The following ACCSL variants were observed in gnomAD, a reference collection of about 807,000 sequenced individuals.
ACCSL encodes probable inactive 1-aminocyclopropane-1-carboxylate synthase-like protein 2.
Under a neutral mutation model 61.7 loss-of-function variants are expected in ACCSL, and 55 were observed. The observed-to-expected ratio is 0.89, with a 90% CI of 0.72 to 1.12. ACCSL has a LOEUF of 1.12. Among genes scored for constraint, ACCSL ranks in the 50% most tolerant of loss-of-function variants. The pLI is 0.00. For synonymous variants in ACCSL, 258 were observed against 264.3 expected (o/e 0.98, Z 0.23); for missense variants, 632 against 698.0 (o/e 0.91, Z 1.07).
At chr11:43,927,523 T>C in the ACCSL span, among the ~76,000 whole-genome samples, 3 of 152,220 alleles carry the variant, frequency 2.0e-5, no homozygotes, top group African/African-American at 7.2e-5. Context: ...TAGGCACTAT[T>C]TTTATCTCCA....
chr11:44,059,938 C>T lies in ACCSL; in HGVS notation c.*18C>T, dbSNP rs368534391. ...GGGAGTAGGCCGTCTGCCTCCCAAC[C>T]AGCAGTTCCAGCCCATCACTTGCTC... is the stretch of plus-strand genomic sequence containing the variant. On this transcript the variant is annotated 3_prime_UTR_variant, in exon 14 of 14. Coordinates refer to ENST00000378832, the MANE Select transcript of ACCSL (RefSeq NM_001031854.2). 5 of 1,610,304 alleles carry T rather than the reference C, an allele frequency of 3.1e-6. No homozygotes were observed. In the African/African-American group the frequency reaches 5.3e-5, roughly 17 times the overall value.
the ACCSL span, among the ~76,000 whole-genome samples, chr11:44,011,992 C>T: frequency 6.6e-6 from 1 of 152,162 alleles, no homozygotes. Flanking sequence ...GTGAGGGAAT[C>T]ATTACTCATG....
chr11:44,002,394 T>C, the ACCSL span, among the ~76,000 whole-genome samples: 631 of 152,310 alleles, frequency 4.1e-3, no homozygotes, highest in African/African-American at 0.015. Context: ...AAGAAGTTTC[T>C]GGAAGAAGCC....
At chr11:43,954,721 A>G in the ACCSL span, among the ~76,000 whole-genome samples, 4 of 151,826 alleles carry the variant, frequency 2.6e-5, no homozygotes, top group Non-Finnish European at 5.9e-5. Context: ...AGTAGCTAGG[A>G]TTACAGGCAT....
the ACCSL span, among the ~76,000 whole-genome samples, chr11:43,967,375 CACCATGTTGGCAGGTCTGGTCTCAA>C: frequency 6.6e-6 from 1 of 151,716 alleles, no homozygotes; most frequent in East Asian, 2.0e-4. Flanking sequence ...GACGGGGTTT[CACCATGTTGGCAGGTCTGGTCTCAA>C]ACTCCCGACC....
At chr11:43,964,560 A>C in the ACCSL span, among the ~76,000 whole-genome samples, 1 of 152,184 alleles carries the variant, frequency 6.6e-6, no homozygotes, top group Admixed American at 6.5e-5. Context: ...ACACCTCAAA[A>C]TCATTCAAAA....
At chr11:43,950,492 C>T in the ACCSL span, among the ~76,000 whole-genome samples, 2 of 152,206 alleles carry the variant, frequency 1.3e-5, no homozygotes, top group African/African-American at 4.8e-5. Context: ...GCTCCCAGTC[C>T]CGTGGTAGAG....
chr11:43,933,434 G>T, the ACCSL span: 3 of 254,440 alleles, frequency 1.2e-5, no homozygotes, highest in African/African-American at 4.4e-5. Flanking sequence ...CCTTGGTCTT[G>T]TTCCCTCCCC....
chr11:44,041,337 G>A, the ACCSL span, among the ~76,000 whole-genome samples: 1 of 152,186 alleles, frequency 6.6e-6, no homozygotes, highest in Non-Finnish European at 1.5e-5. Context: ...CAGCTAGGTA[G>A]TCATTAGGCT....
Position 44,050,108 on chromosome 11 carries a change from T to C in ACCSL, c.551T>C (p.Leu184Pro), listed in dbSNP as rs779681969. 4.3e-5 allele frequency: 70 copies of C among 1,614,054 alleles called. No individual in the cohort carries two copies. Among genetic ancestry groups the C allele is most frequent in the Non-Finnish European group, 5.8e-5 (68 of 1,179,906 alleles). ...AGTGAGAACAAGCTCTGCATGGATC[T>C]GATGACTGAAAGAGTAAGGATGTTC... Reference protein sequence around the residue: ...GTSENKLCMDLMTERLQESDM... With the variant: ...GTSENKLCMDPMTERLQESDM... Residue 184 changes from leucine to proline, a missense_variant, in exon 2 of 14, where the codon CTG becomes CCG. Leu to Pro is a moderately conservative substitution (Grantham distance 98). Transcript: ENST00000378832.
chr11:44,050,328 C>T (rs781504830), intron 2 of ACCSL, among the ~76,000 whole-genome samples: 1 of 152,166 alleles, frequency 6.6e-6, no homozygotes, highest in Non-Finnish European at 1.5e-5. Flanking sequence ...GGGAAAGTTG[C>T]TATGGGAACC....
the ACCSL span, among the ~76,000 whole-genome samples, chr11:44,009,049 T>A: frequency 6.6e-6 from 1 of 152,024 alleles, no homozygotes; most frequent in African/African-American, 2.4e-5. Context: ...GTAAATGTGG[T>A]CCCAGCTACC....
chr11:44,020,349 C>T, the ACCSL span, among the ~76,000 whole-genome samples: 1 of 152,130 alleles, frequency 6.6e-6, no homozygotes, highest in Non-Finnish European at 1.5e-5. Flanking sequence ...CTTGACTAGA[C>T]TATCCAGTAC....
the ACCSL span, among the ~76,000 whole-genome samples, chr11:43,958,153 G>A: frequency 6.6e-6 from 1 of 152,224 alleles, no homozygotes; most frequent in African/African-American, 2.4e-5. Flanking sequence ...GTCAAGATGA[G>A]AGGGGCTGGA....
At chr11:43,985,201 C>A in the ACCSL span, among the ~76,000 whole-genome samples, 27 of 152,320 alleles carry the variant, frequency 1.8e-4, no homozygotes, top group African/African-American at 5.5e-4. Flanking sequence ...CCTCCGCCCC[C>A]CTCCCAGTGT....
intron 11 of ACCSL, among the ~76,000 whole-genome samples, 191 bp from the exon 12 acceptor site, chr11:44,058,126 T>C (rs995526337): frequency 2.6e-5 from 4 of 152,184 alleles, no homozygotes; most frequent in African/African-American, 9.6e-5. Context: ...TGTGCCGAGA[T>C]TGTGCCACTG....
the ACCSL span, among the ~76,000 whole-genome samples, chr11:44,012,239 G>C: frequency 1.3e-5 from 2 of 152,018 alleles, no homozygotes; most frequent in East Asian, 3.9e-4. Context: ...GCTAGGTATG[G>C]AGAAACAGGC....
the ACCSL span, among the ~76,000 whole-genome samples, chr11:43,936,109 G>A: frequency 6.6e-6 from 1 of 152,204 alleles, no homozygotes; most frequent in Non-Finnish European, 1.5e-5. Context: ...TGTTGAAAGA[G>A]GTGTTGATAT....
the ACCSL span, among the ~76,000 whole-genome samples, chr11:44,032,679 G>A: frequency 7.2e-5 from 11 of 152,252 alleles, no homozygotes; most frequent in Middle Eastern, 3.4e-3. Flanking sequence ...CATTGTCCCC[G>A]CTCAAGAATT....
Sources: gnomAD v4.1 joint callset for allele counts (sites outside exome capture counted in the v4.1 genomes callset) on GRCh38, gnomAD v4.1.1 for gene constraint, MANE v1.5 for transcripts, NCBI Gene and HGNC (gene_info 2026-07-23, HGNC 2026-07-21) for gene names.